PTPN12: variants seen among roughly 807,000 people sequenced by gnomAD.
PTPN12 encodes protein tyrosine phosphatase non-receptor type 12.
PTPN12 carries 29 observed loss-of-function variants against 97.6 expected under a neutral mutation model. The ratio of observed to expected loss-of-function variants is 0.30; its 90% confidence interval spans 0.22 to 0.41. The LOEUF (loss-of-function observed/expected upper bound fraction) is 0.41, where lower values mean the gene tolerates loss of function less well. Ranked by LOEUF, PTPN12 falls within the 10% of genes least tolerant of loss-of-function variation. The pLI, the probability that PTPN12 is intolerant of heterozygous loss-of-function variation, is 1.00. For synonymous variants in PTPN12, 327 were observed against 300.4 expected (o/e 1.09, Z -0.91); for missense variants, 819 against 926.0 (o/e 0.88, Z 1.50).
chr7:77,570,864 C>G (rs1293394522), intron 1 of PTPN12, among the ~76,000 whole-genome samples: 3 of 152,152 alleles, frequency 2.0e-5, no homozygotes, highest in East Asian at 1.9e-4. Context: ...TCTGTTTTCC[C>G]TCTTTGCTGC....
chr7:77,571,002 G>A, intron 1 of PTPN12, 76 bp from the exon 2 acceptor site: 1 of 886,830 alleles, frequency 1.1e-6, no homozygotes, highest in Non-Finnish European at 1.7e-6. Flanking sequence ...GAGGAATTGG[G>A]GTCACCAGAT....
chr7:77,620,653 T>G (rs1231333842), intron 12 of PTPN12, among the ~76,000 whole-genome samples: 1 of 152,242 alleles, frequency 6.6e-6, no homozygotes, highest in Non-Finnish European at 1.5e-5. Context: ...ATTGTTTGTT[T>G]AAAGTACATG....
At chr7:77,581,277 TA>T (rs1490630660) in intron 2 of PTPN12, 149 bp from the exon 3 acceptor site, 6 of 451,834 alleles carry the variant, frequency 1.3e-5, no homozygotes, top group Admixed American at 8.9e-5. Context: ...AGTTTAATGT[TA>T]GAAATTACCC....
chr7:77,562,619 T>C (rs1415233376), intron 1 of PTPN12, among the ~76,000 whole-genome samples: 1 of 152,132 alleles, frequency 6.6e-6, no homozygotes, highest in African/African-American at 2.4e-5. Flanking sequence ...TGGCGGAACA[T>C]CAGTGGAACC....
intron 7 of PTPN12, 86 bp from the exon 8 acceptor site, chr7:77,600,578 C>CT: frequency 8.6e-7 from 1 of 1,168,586 alleles, no homozygotes; most frequent in Non-Finnish European, 1.2e-6. Flanking sequence ...ACACAAATTT[C>CT]TTAGAAATGG....
At chr7:77,565,027 A>T (rs1263948199) in intron 1 of PTPN12, among the ~76,000 whole-genome samples, 1 of 152,032 alleles carries the variant, frequency 6.6e-6, no homozygotes, top group African/African-American at 2.4e-5. Flanking sequence ...AAGTGCTGGG[A>T]TTAGAGGCAT....
At chr7:77,575,093 C>G (rs1562722394) in intron 2 of PTPN12, among the ~76,000 whole-genome samples, 1 of 152,102 alleles carries the variant, frequency 6.6e-6, no homozygotes, top group Non-Finnish European at 1.5e-5. Context: ...TTCAGCCTCC[C>G]AAAGTACTAG....
Position 77,622,704 on chromosome 7 carries a change from G to T in PTPN12, c.1026-4001G>T, listed in dbSNP as rs550771246. ...GAGAATCGCTTGAACCCGGGAGGCGGAAGTTACAGTGAGTCGAGATCGCGC... is the reference window on the plus strand; with the variant it reads ...GAGAATCGCTTGAACCCGGGAGGCGTAAGTTACAGTGAGTCGAGATCGCGC... On this transcript the variant is annotated intron_variant, in intron 12 of 17. Coordinates refer to ENST00000248594, the MANE Select transcript of PTPN12 (RefSeq NM_002835.4). 2.0e-5 allele frequency among the ~76,000 whole-genome samples: 3 copies of T among 152,114 alleles called. No homozygotes were observed. In the East Asian group the frequency reaches 5.8e-4, roughly 29 times the overall value.
intron 9 of PTPN12, among the ~76,000 whole-genome samples, chr7:77,609,810 G>A (rs1312108127): frequency 2.0e-5 from 3 of 151,668 alleles, no homozygotes; most frequent in African/African-American, 7.3e-5. Flanking sequence ...GAACCCGGGA[G>A]GCGGAGCTTG....
chr7:77,556,192 C>G (rs1396659734), intron 1 of PTPN12, among the ~76,000 whole-genome samples: 1 of 152,086 alleles, frequency 6.6e-6, no homozygotes, highest in Admixed American at 6.5e-5. Flanking sequence ...TCCCCAGTAG[C>G]TGGGATCACA....
At chr7:77,605,200 A>C (rs1788320608) in intron 8 of PTPN12, among the ~76,000 whole-genome samples, 1 of 152,064 alleles carries the variant, frequency 6.6e-6, no homozygotes, top group Admixed American at 6.6e-5. Flanking sequence ...TTTATCAGGA[A>C]TTTTAGGTTA....
At chr7:77,576,001 A>T (rs1787329885) in intron 2 of PTPN12, among the ~76,000 whole-genome samples, 1 of 152,142 alleles carries the variant, frequency 6.6e-6, no homozygotes, top group African/African-American at 2.4e-5. Context: ...ATAGGCGCAC[A>T]TCACCATGCC....
chr7:77,589,750 A>T (rs904850340), intron 5 of PTPN12, among the ~76,000 whole-genome samples: 20 of 152,158 alleles, frequency 1.3e-4, no homozygotes, highest in Admixed American at 2.0e-4. Context: ...AAGGGTTGTC[A>T]ATATATACAT....
At chr7:77,592,078 T>G in intron 5 of PTPN12, 107 bp from the exon 6 acceptor site, 1 of 940,010 alleles carries the variant, frequency 1.1e-6, no homozygotes, top group Non-Finnish European at 1.6e-6. Flanking sequence ...TGGGTTTTTC[T>G]GTTTTGGGGA....
chr7:77,562,614 G>A (rs1325138042), intron 1 of PTPN12, among the ~76,000 whole-genome samples: 3 of 152,178 alleles, frequency 2.0e-5, no homozygotes, highest in African/African-American at 7.2e-5. Context: ...GGGATTGGCG[G>A]AACATCAGTG....
intron 11 of PTPN12, among the ~76,000 whole-genome samples, chr7:77,618,113 T>C (rs981026730): frequency 1.4e-4 from 22 of 152,140 alleles, no homozygotes; most frequent in African/African-American, 5.3e-4. Context: ...GTTGGCTTTT[T>C]TTTTGTCTCT....
chr7:77,605,944 T>C (rs1788356708), intron 8 of PTPN12, among the ~76,000 whole-genome samples: 1 of 107,492 alleles, frequency 9.3e-6, no homozygotes, highest in African/African-American at 3.6e-5. Flanking sequence ...ACAAGAGCCA[T>C]CTTTTTTTTT....
intron 2 of PTPN12, among the ~76,000 whole-genome samples, chr7:77,576,690 C>G (rs1367348586): frequency 2.0e-5 from 3 of 151,968 alleles, no homozygotes; most frequent in African/African-American, 7.3e-5. Flanking sequence ...GAGCCAGACA[C>G]TGTCTCAAAA....
In PTPN12 at chr7:77,604,209, C is replaced by CTTTTTTTTTT. The variant is rs71082768; in HGVS notation, c.696-3011_696-3002dup. On this transcript the variant is annotated intron_variant, in intron 8 of 17. Transcript: ENST00000248594. Reference sequence around the variant, plus strand: ...AGCCTTTGTTTGCATTTTTTTCTTCCTTTTTTTTTTTTTTTTTTTTTTTTG... The same window carrying CTTTTTTTTTT: ...AGCCTTTGTTTGCATTTTTTTCTTCCTTTTTTTTTTTTTTTTTTTTTTTTTTTTTTTTTTG... Among the ~76,000 whole-genome samples the CTTTTTTTTTT allele has an allele frequency of 7.2e-4, 38 of 52,796 alleles. 2 individuals carry two copies. The highest frequency in any genetic ancestry group is 9.6e-4 in the African/African-American group (11 of 11,518). The allele number at this position is 52,796 out of a possible 152,430, so 34.6% of individuals were successfully genotyped here.
Sources: gnomAD v4.1 joint callset for allele counts (sites outside exome capture counted in the v4.1 genomes callset) on GRCh38, gnomAD v4.1.1 for gene constraint, MANE v1.5 for transcripts, NCBI Gene and HGNC (gene_info 2026-07-23, HGNC 2026-07-21) for gene names.